TENM4: variants seen among roughly 807,000 people sequenced by gnomAD.
The protein encoded by TENM4 is teneurin-4.
TENM4 carries 82 observed loss-of-function variants against 243.3 expected under a neutral mutation model. The observed-to-expected ratio is 0.34, with a 90% CI of 0.28 to 0.40. TENM4 has a LOEUF of 0.40. Ranked by LOEUF, TENM4 falls within the 10% of genes least tolerant of loss-of-function variation. The pLI, the probability that TENM4 is intolerant of heterozygous loss-of-function variation, is 1.00. For synonymous variants in TENM4, 1,412 were observed against 1,456.3 expected (o/e 0.97, Z 0.69); for missense variants, 3,138 against 3,673.3 (o/e 0.85, Z 3.77).
intron 1 of TENM4, among the ~76,000 whole-genome samples, chr11:79,401,282 T>C (rs1292957061): frequency 6.6e-6 from 1 of 152,126 alleles, no homozygotes; most frequent in African/African-American, 2.4e-5. Context: ...TGAATAACCA[T>C]GATTCCTGCC....
chr11:79,386,890 T>C (rs1240066763), intron 1 of TENM4, among the ~76,000 whole-genome samples: 3 of 152,040 alleles, frequency 2.0e-5, no homozygotes, highest in East Asian at 1.9e-4. Flanking sequence ...AACAGATACA[T>C]ATCCTATAAC....
intron 9 of TENM4, among the ~76,000 whole-genome samples, chr11:78,874,578 G>A (rs1859218437): frequency 6.6e-6 from 1 of 152,136 alleles, no homozygotes; most frequent in African/African-American, 2.4e-5. Context: ...TAGAAAAGAA[G>A]AATTTTCAGC....
intron 6 of TENM4, among the ~76,000 whole-genome samples, chr11:79,061,067 T>C (rs1860074197): frequency 6.6e-6 from 1 of 152,180 alleles, no homozygotes; most frequent in African/African-American, 2.4e-5. Context: ...ACTTTTGTCA[T>C]AGAGCCTGGC....
At chr11:78,782,363 C>T (rs1049743219) in intron 16 of TENM4, among the ~76,000 whole-genome samples, 12 of 152,018 alleles carry the variant, frequency 7.9e-5, no homozygotes, top group South Asian at 4.2e-4. Context: ...TTTGGGAGGC[C>T]GAGGCAGGTG....
chr11:79,178,470 G>A (rs1264891806), intron 3 of TENM4, among the ~76,000 whole-genome samples: 1 of 152,200 alleles, frequency 6.6e-6, no homozygotes, highest in Non-Finnish European at 1.5e-5. Flanking sequence ...AAGAACCAGT[G>A]AAAGAGGTGG....
At chr11:78,718,660 T>C (rs1359106781) in intron 25 of TENM4, among the ~76,000 whole-genome samples, 1 of 152,206 alleles carries the variant, frequency 6.6e-6, no homozygotes, top group South Asian at 2.1e-4. Context: ...ACTTCTGTGT[T>C]TTCTGTACAA....
intron 6 of TENM4, among the ~76,000 whole-genome samples, chr11:78,929,099 G>A (rs1856615377): frequency 6.6e-6 from 1 of 152,164 alleles, no homozygotes; most frequent in Admixed American, 6.5e-5. Context: ...GAGAAGGGAA[G>A]TCCATCTCAC....
chr11:78,867,669 C>T (rs1029760089), intron 9 of TENM4, among the ~76,000 whole-genome samples: 1 of 152,140 alleles, frequency 6.6e-6, no homozygotes, highest in Non-Finnish European at 1.5e-5. Context: ...TGAATGCACA[C>T]TACATGCCAA....
intron 1 of TENM4, among the ~76,000 whole-genome samples, chr11:79,396,098 C>CA (rs1447833283): frequency 6.6e-6 from 1 of 152,160 alleles, no homozygotes; most frequent in South Asian, 2.1e-4. Context: ...ATGTTCTTCC[C>CA]ATCCATCTCT....
At chr11:78,772,168 A>G (rs1281341691) in intron 17 of TENM4, among the ~76,000 whole-genome samples, 1 of 152,114 alleles carries the variant, frequency 6.6e-6, no homozygotes, top group African/African-American at 2.4e-5. Flanking sequence ...CCATATTATA[A>G]AGTGGGGAAG....
At chr11:79,104,982 T>A (rs1207820330) in intron 4 of TENM4, among the ~76,000 whole-genome samples, 2 of 152,190 alleles carry the variant, frequency 1.3e-5, no homozygotes, top group Admixed American at 6.5e-5. Flanking sequence ...ATAGACATTA[T>A]TTTTACAAAA....
intron 2 of TENM4, among the ~76,000 whole-genome samples, chr11:79,234,763 A>G (rs1263322832): frequency 6.6e-6 from 1 of 152,184 alleles, no homozygotes; most frequent in Non-Finnish European, 1.5e-5. Flanking sequence ...AGGTGGGTTT[A>G]TTTCCCAGCG....
rs557701070 is a variant in TENM4, at chr11:79,414,550, G to A, written c.-321+25959C>T. On this transcript the variant is annotated intron_variant, in intron 1 of 33. Coordinates refer to ENST00000278550, the MANE Select transcript of TENM4 (RefSeq NM_001098816.3). ...TCGAGAAGGGTATCAACCTGCTGCC[G>A]AAAGCTTCTTCTGTGCCAGTCTTCT... Among the ~76,000 whole-genome samples the A allele has an allele frequency of 3.3e-5, 5 of 152,340 alleles. No homozygotes were observed. The South Asian group carries it at 6.2e-4, about 19-fold the overall frequency.
chr11:79,233,647 C>T (rs138204421), intron 2 of TENM4, among the ~76,000 whole-genome samples: 132 of 151,650 alleles, frequency 8.7e-4, no homozygotes, highest in African/African-American at 3.1e-3. Context: ...TGGGGCAAGG[C>T]GGGGGGCTGT....
intron 32 of TENM4, among the ~76,000 whole-genome samples, chr11:78,662,923 G>A (rs1195700596): frequency 6.6e-6 from 1 of 152,238 alleles, no homozygotes; most frequent in Non-Finnish European, 1.5e-5. Flanking sequence ...CTCAGGCACT[G>A]GTAGAGATGA....
intron 6 of TENM4, among the ~76,000 whole-genome samples, chr11:79,008,932 A>G (rs602714): frequency 0.18 from 27,697 of 152,188 alleles, 3,269 homozygotes; most frequent in Non-Finnish European, 0.27. Flanking sequence ...AATCTTTAAT[A>G]TAAACATATC....
intron 4 of TENM4, among the ~76,000 whole-genome samples, chr11:79,144,334 T>C (rs528242732): frequency 4.6e-5 from 7 of 150,994 alleles, no homozygotes; most frequent in Non-Finnish European, 8.9e-5. Context: ...GAAAAGGGAG[T>C]GAAAATTAGT....
At chr11:79,425,086 T>C (rs1590957565) in intron 1 of TENM4, among the ~76,000 whole-genome samples, 1 of 152,146 alleles carries the variant, frequency 6.6e-6, no homozygotes, top group South Asian at 2.1e-4. Context: ...GAGATCTGAG[T>C]GGCGTACCCT....
chr11:79,419,351 G>A lies in TENM4; in HGVS notation c.-321+21158C>T, dbSNP rs370037740. Among the ~76,000 whole-genome samples, 69 of 152,224 alleles carry A rather than the reference G, an allele frequency of 4.5e-4. 2 individuals are homozygous for A. The South Asian group carries it at 0.013, about 28-fold the overall frequency. ...CAGAGCACTTGGGAACAGGGCAGTC[G>A]AGCTGTTCACACCCACAGGTAAGAG... On this transcript the variant is annotated intron_variant, in intron 1 of 33. Coordinates refer to ENST00000278550, the MANE Select transcript of TENM4 (RefSeq NM_001098816.3).
Sources: allele counts gnomAD v4.1 joint callset (sites outside exome capture counted in the v4.1 genomes callset), GRCh38; gene constraint gnomAD v4.1.1; transcripts MANE v1.5; gene names NCBI Gene and HGNC (gene_info 2026-07-23, HGNC 2026-07-21).